The following FGF7 variants were observed in gnomAD, a reference collection of about 807,000 sequenced individuals.
FGF7 encodes fibroblast growth factor 7, also known as FGF-7.
A neutral mutation model predicts 20.5 loss-of-function variants in FGF7; 6 were observed. The ratio of observed to expected loss-of-function variants is 0.29; its 90% CI spans 0.16 to 0.58. The LOEUF (loss-of-function observed/expected upper bound fraction) is 0.58, where lower values mean the gene tolerates loss of function less well. Ranked by LOEUF, FGF7 falls within the 20% of genes least tolerant of loss-of-function variation. The probability of loss-of-function intolerance (pLI) is 0.90; values close to 1 mark genes in which losing one functional copy is unlikely to be tolerated. For synonymous variants in FGF7, 64 were observed against 74.7 expected (o/e 0.86, Z 0.74); for missense variants, 144 against 228.8 (o/e 0.63, Z 2.39).
intron 2 of FGF7, among the ~76,000 whole-genome samples, chr15:49,459,476 GAA>G (rs140309369): frequency 0.026 from 3,946 of 152,116 alleles, 184 homozygotes; most frequent in African/African-American, 0.091. Context: ...ATATAAGAGT[GAA>G]AAGAGATTTT....
At chr15:49,432,832 C>A (rs1230208188) in intron 2 of FGF7, among the ~76,000 whole-genome samples, 1 of 151,452 alleles carries the variant, frequency 6.6e-6, no homozygotes, top group East Asian at 1.9e-4. Context: ...GAGTTCTGAG[C>A]AGATTTATAG....
chr15:49,438,415 CCCAGTCTTTGAT>C (rs1567275081), intron 2 of FGF7, among the ~76,000 whole-genome samples: 6 of 151,822 alleles, frequency 4.0e-5, no homozygotes, highest in Non-Finnish European at 1.5e-5. Context: ...CTTTGTTCCA[CCCAGTCTTTGAT>C]ACAGGGATTT....
At chr15:49,454,081 C>T (rs1197741606) in intron 2 of FGF7, among the ~76,000 whole-genome samples, 2 of 152,038 alleles carry the variant, frequency 1.3e-5, no homozygotes, top group Non-Finnish European at 2.9e-5. Flanking sequence ...GTCAGACAGG[C>T]GTAGGTTTGA....
At chr15:49,424,882 A>C in intron 2 of FGF7, 5 of 185,178 alleles carry the variant, frequency 2.7e-5, no homozygotes, top group East Asian at 1.3e-4. Flanking sequence ...TCACACCAAA[A>C]TGTGACTTAA....
chr15:49,438,202 T>C (rs992303631), intron 2 of FGF7, among the ~76,000 whole-genome samples: 4 of 151,746 alleles, frequency 2.6e-5, no homozygotes, highest in Admixed American at 1.3e-4. Flanking sequence ...ACCCATAGGC[T>C]ATAAGGAGCC....
At chr15:49,431,018 A>G (rs1021573079) in intron 2 of FGF7, among the ~76,000 whole-genome samples, 6 of 151,864 alleles carry the variant, frequency 4.0e-5, no homozygotes, top group African/African-American at 1.4e-4. Flanking sequence ...CTTCCTTTGT[A>G]TCACACAATT....
At position 49,428,050 on chromosome 15, in the gene FGF7, C is replaced by T. The variant is rs185936721; in HGVS notation, c.286+3467C>T. On this transcript the variant is annotated intron_variant, in intron 2 of 3. Transcript: ENST00000267843. ...AGAAAGAGTGCATCAAGGAACCCAA[C>T]GGAAATAAGACTTGTATTAGTAGAC... Among the ~76,000 whole-genome samples, 745 of 151,864 alleles carry T rather than the reference C, an allele frequency of 4.9e-3. 4 individuals carry two copies. Among genetic ancestry groups the T allele is most frequent in the Non-Finnish European group, 8.1e-3 (552 of 67,912 alleles).
At chr15:49,431,647 A>G (rs748482852) in intron 2 of FGF7, among the ~76,000 whole-genome samples, 3 of 151,766 alleles carry the variant, frequency 2.0e-5, no homozygotes, top group Non-Finnish European at 4.4e-5. Flanking sequence ...TACTTGATAG[A>G]GTCATTAGCT....
chr15:49,455,062 A>G (rs1456540273), intron 2 of FGF7, among the ~76,000 whole-genome samples: 1 of 152,142 alleles, frequency 6.6e-6, no homozygotes, highest in Non-Finnish European at 1.5e-5. Flanking sequence ...CACCTGTATT[A>G]GGATCACCTA....
At chr15:49,437,749 C>T (rs973768962) in intron 2 of FGF7, among the ~76,000 whole-genome samples, 1 of 151,596 alleles carries the variant, frequency 6.6e-6, no homozygotes, top group African/African-American at 2.4e-5. Context: ...TGTGTATGCA[C>T]AGATACACAA....
chr15:49,466,230 C>T lies in FGF7; in HGVS notation c.287-16921C>T, dbSNP rs746312985. Among the ~76,000 whole-genome samples the T allele has an allele frequency of 7.9e-5, 12 of 152,136 alleles. No homozygotes were observed. The South Asian group carries it at 1.2e-3, about 16-fold the overall frequency. ...CTGTTGGATCAGACTTTCTGAGGAA[C>T]GGGAACTGGAAACCTGAAAATCTTT... On this transcript the variant is annotated intron_variant, in intron 2 of 3. Transcript: ENST00000267843.
At chr15:49,470,929 G>A (rs546357369) in intron 2 of FGF7, among the ~76,000 whole-genome samples, 1 of 152,144 alleles carries the variant, frequency 6.6e-6, no homozygotes, top group Admixed American at 6.5e-5. Context: ...AGGACACCAA[G>A]GGAACTACTG....
intron 2 of FGF7, among the ~76,000 whole-genome samples, chr15:49,481,129 G>A (rs1407486281): frequency 6.6e-6 from 1 of 152,112 alleles, no homozygotes; most frequent in Admixed American, 6.5e-5. Flanking sequence ...AGAAAATATT[G>A]ACTTCTTAAT....
chr15:49,453,190 T>A (rs1208131515), intron 2 of FGF7, among the ~76,000 whole-genome samples: 2 of 152,116 alleles, frequency 1.3e-5, no homozygotes, highest in African/African-American at 2.4e-5. Context: ...TTTCTTTTTT[T>A]AAAATTTGAA....
At chr15:49,458,292 C>T (rs1045018002) in intron 2 of FGF7, among the ~76,000 whole-genome samples, 8 of 151,636 alleles carry the variant, frequency 5.3e-5, no homozygotes, top group African/African-American at 1.5e-4. Flanking sequence ...AACCCCCCCA[C>T]GTGCCAAATA....
chr15:49,477,554 G>A (rs1397133782), intron 2 of FGF7, among the ~76,000 whole-genome samples: 1 of 152,136 alleles, frequency 6.6e-6, no homozygotes, highest in Admixed American at 6.6e-5. Flanking sequence ...GTGTATACGT[G>A]TACCATAGTT....
At chr15:49,446,024 T>C (rs1048049472) in intron 2 of FGF7, among the ~76,000 whole-genome samples, 1 of 151,546 alleles carries the variant, frequency 6.6e-6, no homozygotes. Flanking sequence ...ATATTTACAA[T>C]GTTAGTTTTC....
At position 49,484,468 on chromosome 15, in the gene FGF7, A is replaced by G; in HGVS notation, c.549A>G (p.Gln183=). ...PVRGKKTKKE[Q]KTAHFLPMAI... ...GAGGAAAAAAAACGAAGAAAGAACAAAAAACAGCCCACTTTCTTCCTATGG... is the reference window on the plus strand; with the variant it reads ...GAGGAAAAAAAACGAAGAAAGAACAGAAAACAGCCCACTTTCTTCCTATGG... Residue 183 remains glutamine (Q), a synonymous_variant, in exon 4 of 4, where the codon CAA becomes CAG. Coordinates refer to ENST00000267843, the MANE Select transcript of FGF7 (RefSeq NM_002009.4). The G allele has an allele frequency of 6.3e-7, 1 of 1,575,826 alleles. No individual in the cohort carries two copies. Among genetic ancestry groups the G allele is most frequent in the Non-Finnish European group, 8.5e-7 (1 of 1,170,492 alleles).
At chr15:49,479,279 C>T (rs1332429720) in intron 2 of FGF7, among the ~76,000 whole-genome samples, 3 of 152,026 alleles carry the variant, frequency 2.0e-5, no homozygotes, top group Non-Finnish European at 4.4e-5. Context: ...TGAACTCTAC[C>T]ATTATGCTAT....
Sources: gnomAD v4.1 joint callset for allele counts (sites outside exome capture counted in the v4.1 genomes callset) on GRCh38, gnomAD v4.1.1 for gene constraint, MANE v1.5 for transcripts, NCBI Gene and HGNC (gene_info 2026-07-23, HGNC 2026-07-21) for gene names.